ANXA3: variants seen among roughly 807,000 people sequenced by gnomAD.
ANXA3 encodes annexin A3.
In ANXA3, 46 loss-of-function variants were observed where a neutral mutation model predicts 48.8. That is an observed-to-expected ratio of 0.94 (90% CI 0.74 to 1.21). The LOEUF (loss-of-function observed/expected upper bound fraction) is 1.21, where lower values mean the gene tolerates loss of function less well. Ranked by LOEUF, ANXA3 falls within the 50% of genes most tolerant of loss-of-function variation. The probability of loss-of-function intolerance (pLI) is 0.00; values close to 1 mark genes in which losing one functional copy is unlikely to be tolerated. For missense variants in ANXA3, 383 were observed against 378.6 expected (o/e 1.01, Z -0.10); for synonymous variants, 128 against 134.7 (o/e 0.95, Z 0.35).
chr4:78,571,411 T>C (rs947292803), intron 2 of ANXA3, among the ~76,000 whole-genome samples: 1 of 152,228 alleles, frequency 6.6e-6, no homozygotes, highest in East Asian at 1.9e-4. Context: ...TTATTTTAGA[T>C]GCTATAAGAT....
chr4:78,608,787 A>G (rs1216295616), intron 12 of ANXA3, among the ~76,000 whole-genome samples: 1 of 152,056 alleles, frequency 6.6e-6, no homozygotes, highest in Non-Finnish European at 1.5e-5. Flanking sequence ...TTGGTTTTAC[A>G]TGTATTGAGT....
intron 2 of ANXA3, among the ~76,000 whole-genome samples, chr4:78,565,046 T>G (rs1161785202): frequency 6.8e-6 from 1 of 147,204 alleles, no homozygotes; most frequent in Non-Finnish European, 1.5e-5. Flanking sequence ...CAGACCAGAG[T>G]GCAGTAGCAC....
chr4:78,556,091 T>C (rs1266028167), intron 2 of ANXA3, among the ~76,000 whole-genome samples: 3 of 152,182 alleles, frequency 2.0e-5, no homozygotes, highest in African/African-American at 7.2e-5. Flanking sequence ...GTAATTCCAC[T>C]TGTGGGTATG....
At chr4:78,601,213 C>G (rs146945574) in intron 10 of ANXA3, among the ~76,000 whole-genome samples, 2 of 152,098 alleles carry the variant, frequency 1.3e-5, no homozygotes, top group Non-Finnish European at 2.9e-5. Flanking sequence ...CGTAGGTGTT[C>G]GGGGTGTCTG....
Position 78,610,156 on chromosome 4 carries a change from C to T in ANXA3, c.*41C>T, listed in dbSNP as rs765198777. On this transcript the variant is annotated 3_prime_UTR_variant, in exon 13 of 13. Coordinates refer to ENST00000264908, the MANE Select transcript of ANXA3 (RefSeq NM_005139.3). ...TCCAAAGGTCCACGATGGGCTTTCC[C>T]AACAGCTCCACCTTACTTCTTCTCA... 5.3e-5 allele frequency: 74 copies of T among 1,404,172 alleles called. No homozygotes were observed. The highest frequency in any genetic ancestry group is 7.2e-5 in the Non-Finnish European group (72 of 997,104). The allele number at this position is 1,404,172 out of a possible 1,614,324, so 87.0% of individuals were successfully genotyped here. A position where few individuals can be genotyped will look rare whatever the true frequency, so the allele number is the denominator to read the frequency against.
chr4:78,573,113 A>C (rs184969337), intron 2 of ANXA3, 67 bp from the exon 3 acceptor site: 275 of 1,002,940 alleles, frequency 2.7e-4, no homozygotes, highest in Non-Finnish European at 3.9e-4. Flanking sequence ...GCATGAAGGA[A>C]TATGCATATG....
chr4:78,582,183 A>G lies in ANXA3; in HGVS notation c.205A>G (p.Lys69Glu). Residue 69 changes from lysine to glutamate, a missense_variant, in exon 5 of 13, where the codon AAA becomes GAA. Lys to Glu is a moderately conservative substitution (Grantham distance 56, BLOSUM62 1). Coordinates refer to ENST00000264908, the MANE Select transcript of ANXA3 (RefSeq NM_005139.3). ...EYQAAYGKEL[K>E]DDLKGDLSGH... ...CTTGGTTTTTTGATTTTAGGAGCTG[A>G]AAGATGACTTGAAGGGTGATCTCTC... 6.2e-7 allele frequency: 1 copy of G among 1,604,582 alleles called. No homozygotes were observed. The highest frequency in any genetic ancestry group is 8.5e-7 in the Non-Finnish European group (1 of 1,173,474).
At chr4:78,609,779 G>T (rs1013238165) in intron 12 of ANXA3, among the ~76,000 whole-genome samples, 1 of 152,170 alleles carries the variant, frequency 6.6e-6, no homozygotes, top group African/African-American at 2.4e-5. Context: ...TCAATATTAT[G>T]TAAGTGATGC....
chr4:78,601,203 C>T (rs1292325296), intron 10 of ANXA3, among the ~76,000 whole-genome samples: 1 of 152,252 alleles, frequency 6.6e-6, no homozygotes, highest in South Asian at 2.1e-4. Context: ...TCAGGGAAAG[C>T]GTAGGTGTTC....
At chr4:78,568,525 TTCA>T (rs1045516927) in intron 2 of ANXA3, among the ~76,000 whole-genome samples, 2 of 152,214 alleles carry the variant, frequency 1.3e-5, no homozygotes, top group East Asian at 3.8e-4. Flanking sequence ...TCACCGCATC[TTCA>T]AAATGTCCCT....
At chr4:78,562,333 T>G (rs1722643699) in intron 2 of ANXA3, among the ~76,000 whole-genome samples, 1 of 152,252 alleles carries the variant, frequency 6.6e-6, no homozygotes, top group Admixed American at 6.5e-5. Context: ...AGTCTATCCC[T>G]TCATTATCAG....
chr4:78,591,460 A>G, intron 6 of ANXA3, 84 bp from the exon 7 acceptor site: 1 of 855,794 alleles, frequency 1.2e-6, no homozygotes, highest in South Asian at 1.5e-5. Flanking sequence ...ATTCTTTGCT[A>G]GTGTTGGCAT....
chr4:78,590,174 C>A (rs1578400397), intron 6 of ANXA3, among the ~76,000 whole-genome samples: 2 of 152,230 alleles, frequency 1.3e-5, no homozygotes, highest in South Asian at 4.1e-4. Context: ...GATATTCATT[C>A]TTCTACTTGA....
At chr4:78,571,946 G>A (rs1253012214) in intron 2 of ANXA3, among the ~76,000 whole-genome samples, 1 of 152,126 alleles carries the variant, frequency 6.6e-6, no homozygotes, top group African/African-American at 2.4e-5. Context: ...ATTAAACAAA[G>A]CTTAAGAACA....
Position 78,586,339 on chromosome 4 carries a change from C to A in ANXA3, c.392C>A (p.Ala131Asp). The A allele has an allele frequency of 6.2e-7, 1 of 1,611,870 alleles. No individual in the cohort carries two copies. The highest frequency in any genetic ancestry group is 8.5e-7 in the Non-Finnish European group (1 of 1,178,480). The change falls in exon 6 of 13, where the codon GCC becomes GAC. Residue 131 changes from alanine to aspartate, a missense_variant. By Grantham distance (126) the Ala-to-Asp change is moderately radical. Transcript: ENST00000264908. ...TSRQMKDISQ[A>D]YYTVYKKSLG... is the part of the protein sequence containing the mutation. ...AGGCAAATGAAGGATATCTCTCAAGCCTATTATACAGGTGTCTTATTTTCT... is the reference window on the plus strand; with the variant it reads ...AGGCAAATGAAGGATATCTCTCAAGACTATTATACAGGTGTCTTATTTTCT...
At chr4:78,607,334 AGTTCC>A (rs1198788441) in intron 12 of ANXA3, among the ~76,000 whole-genome samples, 1 of 152,178 alleles carries the variant, frequency 6.6e-6, no homozygotes, top group Non-Finnish European at 1.5e-5. Flanking sequence ...CATGGGATAG[AGTTCC>A]ATTTTGCATA....
intron 6 of ANXA3, among the ~76,000 whole-genome samples, chr4:78,587,823 G>A (rs936149932): frequency 2.3e-4 from 35 of 152,212 alleles, no homozygotes; most frequent in African/African-American, 8.4e-4. Context: ...GCCGGGTGCG[G>A]TGACTCACGC....
At chr4:78,579,269 G>C in intron 4 of ANXA3, 148 bp downstream of exon 4, 1 of 539,470 alleles carries the variant, frequency 1.9e-6, no homozygotes. Flanking sequence ...AATCTGAGTC[G>C]TGGTTTTGCC....
intron 12 of ANXA3, 36 bp downstream of exon 12, chr4:78,604,435 G>A: frequency 6.4e-7 from 1 of 1,571,044 alleles, no homozygotes; most frequent in Non-Finnish European, 8.7e-7. Flanking sequence ...AACATATTTT[G>A]CCCTTCTCTA....
Sources: allele counts gnomAD v4.1 joint callset (sites outside exome capture counted in the v4.1 genomes callset), GRCh38; gene constraint gnomAD v4.1.1; transcripts MANE v1.5; gene names NCBI Gene and HGNC (gene_info 2026-07-23, HGNC 2026-07-21).